Variants in STK26 observed in about 807,000 individuals in gnomAD.
The protein encoded by STK26 is serine/threonine kinase 26, also known as serine/threonine-protein kinase 26.
A neutral mutation model predicts 34.7 loss-of-function variants in STK26; 14 were observed. The observed-to-expected ratio is 0.40, with a 90% CI of 0.27 to 0.63. The LOEUF is 0.63. Among genes scored for constraint, STK26 ranks in the 30% least tolerant of loss-of-function variants. The pLI is 0.38. For missense variants in STK26, 226 were observed against 309.1 expected (o/e 0.73, Z 2.02); for synonymous variants, 100 against 109.8 (o/e 0.91, Z 0.56).
chrX:132,025,329 A>G (rs897512567), intron 2 of STK26, among the ~76,000 whole-genome samples: 2 of 111,482 alleles, frequency 1.8e-5, no homozygotes, highest in Non-Finnish European at 3.8e-5. Flanking sequence ...CAGTTCATCA[A>G]GTTTGTGATT....
At chrX:132,028,903 A>G (rs1925718899) in intron 2 of STK26, among the ~76,000 whole-genome samples, 1 of 112,119 alleles carries the variant, frequency 8.9e-6, no homozygotes, top group South Asian at 3.7e-4. Flanking sequence ...TCAGATTTGC[A>G]ATTTGAGGTT....
chrX:132,054,585 C>G, intron 2 of STK26, 46 bp from the exon 3 acceptor site: 3 of 1,097,621 alleles, frequency 2.7e-6, no homozygotes, highest in Non-Finnish European at 3.7e-6. Context: ...AAATTTGATT[C>G]AAAACATTTG....
intron 4 of STK26, among the ~76,000 whole-genome samples, chrX:132,067,280 C>T (rs1375024586): frequency 9.0e-6 from 1 of 111,401 alleles, no homozygotes; most frequent in Non-Finnish European, 1.9e-5. Context: ...AGCTGTGGAT[C>T]CCTCCCAGTG....
rs780877556 is a variant in STK26 at position 132,074,746 on chromosome X, C to T, written c.*587C>T. The T allele has an allele frequency of 6.3e-5, 7 of 111,012 alleles. No homozygotes were observed. Among genetic ancestry groups the T allele is most frequent in the Non-Finnish European group, 1.1e-4 (6 of 52,797 alleles). 9.1% of individuals were successfully genotyped at this position (111,012 alleles called of 1,213,427 possible). ...CTCAATGATTATCACATTTGAGACC[C>T]TGTGTTTGAAGCATTTACAGGCAAT... is the stretch of plus-strand genomic sequence containing the variant. On this transcript the variant is annotated 3_prime_UTR_variant, in exon 12 of 12. Transcript: ENST00000394334.
chrX:132,073,144 T>C (rs1436745703), intron 11 of STK26, 51 bp downstream of exon 11: 1 of 1,112,144 alleles, frequency 9.0e-7, no homozygotes, highest in Non-Finnish European at 1.2e-6. Context: ...CTGTTGTATG[T>C]TAATTTATGA....
intron 3 of STK26, among the ~76,000 whole-genome samples, chrX:132,059,946 T>G (rs757509931): frequency 8.9e-6 from 1 of 111,987 alleles, no homozygotes; most frequent in South Asian, 3.7e-4. Context: ...TGTTTTGGAG[T>G]TCTCTTATAA....
At chrX:132,065,616 A>G (rs1461516507) in intron 4 of STK26, among the ~76,000 whole-genome samples, 1 of 112,427 alleles carries the variant, frequency 8.9e-6, no homozygotes, top group East Asian at 2.8e-4. Flanking sequence ...TACTTAATAA[A>G]ACAAATAGCC....
At chrX:132,072,896 C>T in intron 10 of STK26, 21 bp downstream of exon 10, 1 of 1,207,083 alleles carries the variant, frequency 8.3e-7, no homozygotes, top group Non-Finnish European at 1.1e-6. Context: ...ATTAATTAGC[C>T]TTGGATATCT....
intron 3 of STK26, among the ~76,000 whole-genome samples, chrX:132,055,728 A>T (rs1926834367): frequency 8.9e-6 from 1 of 112,273 alleles, no homozygotes; most frequent in Non-Finnish European, 1.9e-5. Flanking sequence ...TTCAGGGTTT[A>T]AAAGGAGGGA....
intron 2 of STK26, among the ~76,000 whole-genome samples, chrX:132,031,320 AT>A (rs1157525816): frequency 8.9e-6 from 1 of 111,820 alleles, no homozygotes; most frequent in East Asian, 2.8e-4. Context: ...AACATTTATC[AT>A]TTTTTTGTGC....
intron 2 of STK26, among the ~76,000 whole-genome samples, chrX:132,048,951 C>T: frequency 9.1e-6 from 1 of 110,177 alleles, no homozygotes; most frequent in Non-Finnish European, 1.9e-5. Context: ...CGGCTGTTGA[C>T]ATTAAAATTC....
At chrX:132,023,781 C>G (rs1050197369) in intron 2 of STK26, 122 bp downstream of exon 2, 9 of 862,690 alleles carry the variant, frequency 1.0e-5, no homozygotes, top group Non-Finnish European at 1.4e-5. Flanking sequence ...GGGCCGGTCA[C>G]TATGGCCAGG....
intron 2 of STK26, among the ~76,000 whole-genome samples, chrX:132,038,567 CT>C (rs748796113): frequency 1.2e-4 from 13 of 108,403 alleles, no homozygotes; most frequent in African/African-American, 3.7e-4. Flanking sequence ...TTTGGGTGGC[CT>C]TTTTTTTTCC....
Position 132,074,118 on chromosome X carries a change from T to G in STK26, c.1227-17T>G. 1 of 1,195,231 alleles carries G rather than the reference T, an allele frequency of 8.4e-7. No homozygotes were observed. The highest frequency in any genetic ancestry group is 1.1e-6 in the Non-Finnish European group (1 of 884,617). On this transcript the variant is annotated splice_polypyrimidine_tract_variant and intron_variant, in intron 11 of 11. Transcript: ENST00000394334. Reference sequence around the variant, plus strand: ...GCATAGTTGTACATTGGTTTAAATTTTTTAAAAATTTTATAGGTGTTCAGC... The same window carrying G: ...GCATAGTTGTACATTGGTTTAAATTGTTTAAAAATTTTATAGGTGTTCAGC...
In STK26 at chrX:132,032,544, A is replaced by T. The variant is rs142494997; in HGVS notation, c.42+8885A>T. Among the ~76,000 whole-genome samples, 491 of 111,733 alleles carry T rather than the reference A, an allele frequency of 4.4e-3. 3 individuals are homozygous for T. The highest frequency in any genetic ancestry group is 0.015 in the African/African-American group (465 of 30,729). Reference sequence around the variant, plus strand: ...ATTGTGTGTTGTCAGCAGTGTTTTAAATTTTTCCCTCTCCTTCTATTACCT... The same window carrying T: ...ATTGTGTGTTGTCAGCAGTGTTTTATATTTTTCCCTCTCCTTCTATTACCT... On this transcript the variant is annotated intron_variant, in intron 2 of 11. Coordinates refer to ENST00000394334, the MANE Select transcript of STK26 (RefSeq NM_016542.4).
rs1231381805 is a variant in STK26 at position 132,075,874 on chromosome X, ATC to A, written c.*1717_*1718del. 1 of 111,905 alleles carries A rather than the reference ATC, an allele frequency of 8.9e-6. No homozygotes were observed. The highest frequency in any genetic ancestry group is 1.9e-5 in the Non-Finnish European group (1 of 53,020). 9.2% of individuals were successfully genotyped at this position (111,905 alleles called of 1,213,427 possible). On this transcript the variant is annotated 3_prime_UTR_variant, in exon 12 of 12. Transcript: ENST00000394334. ...ATTCATTATAGCTATTCGTCCTGTA[ATC>A]TGTTTCTAGGTGAAGCATACTCCAG...
chrX:132,048,864 A>G (rs1187707894), intron 2 of STK26, among the ~76,000 whole-genome samples: 1 of 112,218 alleles, frequency 8.9e-6, no homozygotes, highest in African/African-American at 3.2e-5. Flanking sequence ...AGAGCAGCCA[A>G]TTGTATATGG....
At chrX:132,064,487 A>G (rs942137818) in intron 4 of STK26, among the ~76,000 whole-genome samples, 9 of 111,764 alleles carry the variant, frequency 8.1e-5, no homozygotes, top group Non-Finnish European at 1.5e-4. Flanking sequence ...TGATCCTATC[A>G]ATGTTGAGTT....
chrX:132,074,116 T>G lies in STK26; in HGVS notation c.1227-19T>G. Reference sequence around the variant, plus strand: ...ATGCATAGTTGTACATTGGTTTAAATTTTTTAAAAATTTTATAGGTGTTCA... The same window carrying G: ...ATGCATAGTTGTACATTGGTTTAAAGTTTTTAAAAATTTTATAGGTGTTCA... On this transcript the variant is annotated intron_variant, in intron 11 of 11. Coordinates refer to ENST00000394334, the MANE Select transcript of STK26 (RefSeq NM_016542.4). 3 of 1,195,529 alleles carry G rather than the reference T, an allele frequency of 2.5e-6. No individual in the cohort carries two copies. Among genetic ancestry groups the G allele is most frequent in the Non-Finnish European group, 3.4e-6 (3 of 884,624 alleles).
Sources: allele counts gnomAD v4.1 joint callset (sites outside exome capture counted in the v4.1 genomes callset), GRCh38; gene constraint gnomAD v4.1.1; transcripts MANE v1.5; gene names NCBI Gene and HGNC (gene_info 2026-07-23, HGNC 2026-07-21).